Variants in FADS2 observed in about 807,000 individuals in gnomAD.
FADS2 encodes acyl-CoA 6-desaturase.
Under a neutral mutation model 61.2 loss-of-function variants are expected in FADS2, and 18 were observed. That is an observed-to-expected ratio of 0.29 (90% CI 0.20 to 0.44). The LOEUF is 0.44. Ranked by LOEUF, FADS2 falls within the 20% of genes least tolerant of loss-of-function variation. FADS2 has a pLI of 1.00. For missense variants in FADS2, 322 were observed against 572.7 expected, an observed-to-expected ratio of 0.56 and a Z score of 4.47; for synonymous variants, 203 against 223.9, an observed-to-expected ratio of 0.91 and a Z score of 0.83.
chr11:61,841,982 G>A (rs1158545077), intron 4 of FADS2, among the ~76,000 whole-genome samples: 2 of 152,180 alleles, frequency 1.3e-5, no homozygotes, highest in South Asian at 2.1e-4. Context: ...TCTGACAGGC[G>A]TTATCTCCTC....
chr11:61,818,806 A>G (rs1227324359), intron 1 of FADS2, among the ~76,000 whole-genome samples: 1 of 152,204 alleles, frequency 6.6e-6, no homozygotes, highest in Non-Finnish European at 1.5e-5. Flanking sequence ...AAGCTCTCAT[A>G]CTGCTGGTAG....
intron 2 of FADS2, among the ~76,000 whole-genome samples, chr11:61,838,803 C>T (rs114236442): frequency 0.027 from 4,101 of 152,214 alleles, 171 homozygotes; most frequent in African/African-American, 0.092. Flanking sequence ...CTGCCTCCTT[C>T]GCAAGTGGGT....
chr11:61,865,350 G>T lies in FADS2; in HGVS notation c.1283+73G>T. 1 of 1,548,084 alleles carries T rather than the reference G, an allele frequency of 6.5e-7. No homozygotes were observed. Among genetic ancestry groups the T allele is most frequent in the South Asian group, 1.2e-5 (1 of 85,258 alleles). On this transcript the variant is annotated intron_variant, in intron 11 of 11. Coordinates refer to ENST00000278840, the MANE Select transcript of FADS2 (RefSeq NM_004265.4). This position sits in a 1 kb window ranked among gnomAD's most constrained non-coding sequence, Gnocchi z 4.1. ...TGCAGACAGTGGGATCACAAGAGGG[G>T]CTGGGCCCTCCTGGCACAGTCACCC... is the stretch of plus-strand genomic sequence containing the variant.
Position 61,828,487 on chromosome 11 carries a change from A to G in FADS2, c.97A>G (p.Thr33Ala). 1 of 1,612,798 alleles carries G rather than the reference A, an allele frequency of 6.2e-7. No homozygotes were observed. Among genetic ancestry groups the G allele is most frequent in the African/African-American group, 1.3e-5 (1 of 75,054 alleles). ...WEEIQKHNLRTDRWLVIDRKV... is the reference protein window; with the variant it reads ...WEEIQKHNLRADRWLVIDRKV... The stretch of plus-strand genomic sequence containing the variant: ...GGAGATTCAGAAGCATAACCTGCGC[A>G]CCGACAGGTGGCTGGTCATTGACCG... Residue 33 changes from threonine to alanine, a missense_variant, in exon 1 of 12, where the codon ACC becomes GCC. Physicochemically the swap from Thr to Ala is moderately conservative, Grantham distance 58 (BLOSUM62 0). This residue lies in a region of FADS2 where 61 missense variants were observed against 107.4 expected (regional missense o/e 0.57). Coordinates refer to ENST00000278840, the MANE Select transcript of FADS2 (RefSeq NM_004265.4). The surrounding 1 kb of genome is among the most constrained non-coding windows in gnomAD (Gnocchi z 6.4).
At chr11:61,859,457 C>T (rs1444822095) in intron 7 of FADS2, among the ~76,000 whole-genome samples, 10 of 152,210 alleles carry the variant, frequency 6.6e-5, no homozygotes, top group Non-Finnish European at 1.3e-4. Context: ...AAGTCTTGGA[C>T]CCATATATCC....
chr11:61,828,044 C>T (rs1316474375), upstream of FADS2: 2 of 1,166,604 alleles, frequency 1.7e-6, no homozygotes, highest in African/African-American at 1.6e-5. The surrounding 1 kb of genome is among the most constrained non-coding windows in gnomAD (Gnocchi z 6.4). Flanking sequence ...GAACCCGAGG[C>T]GGGGGGAGCC....
chr11:61,857,642 A>AG, intron 7 of FADS2, 112 bp downstream of exon 7: 2 of 843,184 alleles, frequency 2.4e-6, no homozygotes, highest in Middle Eastern at 5.0e-4. Flanking sequence ...GTGGGGCCCC[A>AG]GGCATCTCCT....
intron 1 of FADS2, chr11:61,817,186 GTGGCCGCAGGAA>G: frequency 6.3e-6 from 2 of 315,708 alleles, no homozygotes; most frequent in Non-Finnish European, 1.1e-5. Flanking sequence ...GGGCTGCGGG[GTGGCCGCAGGAA>G]GGGTGGGCGG....
At chr11:61,827,673 G>A (rs1221029976), upstream of FADS2, 1 of 152,174 alleles carries the variant, frequency 6.6e-6, no homozygotes, top group Non-Finnish European at 1.5e-5. This position sits in a 1 kb window ranked among gnomAD's most constrained non-coding sequence, Gnocchi z 4.5. Context: ...CTGGCACCCT[G>A]GTGGCCGCGC....
intron 4 of FADS2, among the ~76,000 whole-genome samples, chr11:61,842,344 G>A (rs1002502924): frequency 6.6e-6 from 1 of 152,232 alleles, no homozygotes; most frequent in Non-Finnish European, 1.5e-5. Context: ...ATAGTGGAGT[G>A]CTTTGTTTCA....
At chr11:61,817,818 A>G (rs1033374102) in intron 1 of FADS2, among the ~76,000 whole-genome samples, 6 of 152,226 alleles carry the variant, frequency 3.9e-5, no homozygotes, top group African/African-American at 1.4e-4. Context: ...CCAAAATTTT[A>G]TTTATTCAAC....
In FADS2 at chr11:61,857,995, C is replaced by T. The variant is rs142829874; in HGVS notation, c.882+465C>T. Among the ~76,000 whole-genome samples the T allele has an allele frequency of 1.7e-3, 261 of 152,280 alleles. 1 individual carries two copies. Among genetic ancestry groups the T allele is most frequent in the African/African-American group, 5.7e-3 (235 of 41,562 alleles). On this transcript the variant is annotated intron_variant, in intron 7 of 11. Transcript: ENST00000278840. ...GGCATAAGCAGCAGCGATGTGTTTTCTCCCGGTTCTGGAGACCGGAAGTCC... is the reference window on the plus strand; with the variant it reads ...GGCATAAGCAGCAGCGATGTGTTTTTTCCCGGTTCTGGAGACCGGAAGTCC...
upstream of FADS2, chr11:61,826,369 C>T (rs972299655): frequency 4.3e-6 from 3 of 702,484 alleles, no homozygotes; most frequent in Non-Finnish European, 7.8e-6. Flanking sequence ...CTACACAGGC[C>T]ACCCATACGT....
At chr11:61,860,957 T>C (rs2067408702) in intron 7 of FADS2, among the ~76,000 whole-genome samples, 1 of 151,746 alleles carries the variant, frequency 6.6e-6, no homozygotes. Context: ...GTAATCCTAG[T>C]ACTTTGGGAG....
upstream of FADS2, chr11:61,827,310 G>C (rs971525033): frequency 6.6e-6 from 1 of 152,322 alleles, no homozygotes. This position sits in a 1 kb window ranked among gnomAD's most constrained non-coding sequence, Gnocchi z 4.5. Context: ...TTCCCAAAGA[G>C]ACTGAGCTTA....
Position 61,863,378 on chromosome 11 carries a change from G to A in FADS2, c.1077G>A (p.Gln359=), listed in dbSNP as rs1462419701. Residue 359 remains glutamine (Q), a splice_region_variant and synonymous_variant, in exon 9 of 12, where the codon CAG becomes CAA. Coordinates refer to ENST00000278840, the MANE Select transcript of FADS2 (RefSeq NM_004265.4). ...QEAYRDWFSS[Q]LTATCNVEQS... Reference sequence around the variant, plus strand: ...CCTACCGTGACTGGTTCAGTAGCCAGGTAGGGAAGTCAGGGCCGGTCACCA... The same window carrying A: ...CCTACCGTGACTGGTTCAGTAGCCAAGTAGGGAAGTCAGGGCCGGTCACCA... The A allele has an allele frequency of 6.2e-7, 1 of 1,609,812 alleles. No homozygotes were observed. The highest frequency in any genetic ancestry group is 1.3e-5 in the African/African-American group (1 of 74,858).
chr11:61,850,643 C>T (rs966690748), intron 5 of FADS2, among the ~76,000 whole-genome samples: 4 of 151,892 alleles, frequency 2.6e-5, no homozygotes, highest in South Asian at 2.1e-4. Context: ...GCCTCTATGT[C>T]GGGACCTAAT....
chr11:61,865,942 T>C lies in FADS2; in HGVS notation c.*253T>C. On this transcript the variant is annotated 3_prime_UTR_variant, in exon 12 of 12. Transcript: ENST00000278840. This position sits in a 1 kb window ranked among gnomAD's most constrained non-coding sequence, Gnocchi z 4.1. ...GGCCCTCCCAGTGCCTCCTAGCCCC[T>C]TCTTCCAAGGAGCAGAGAGGTGGCC... The C allele has an allele frequency of 5.6e-6, 3 of 539,066 alleles. No homozygotes were observed. Among genetic ancestry groups the C allele is most frequent in the Non-Finnish European group, 9.9e-6 (3 of 301,908 alleles). 33.4% of individuals were successfully genotyped at this position (539,066 alleles called of 1,614,324 possible).
chr11:61,822,397 G>C (rs1400460394), intron 1 of FADS2, among the ~76,000 whole-genome samples: 1 of 152,248 alleles, frequency 6.6e-6, no homozygotes, highest in Non-Finnish European at 1.5e-5. Context: ...TTTGGGGCTA[G>C]AATTTACCCC....
Sources: gnomAD v4.1 joint callset for allele counts (sites outside exome capture counted in the v4.1 genomes callset) on GRCh38, gnomAD v4.1.1 for gene constraint, gnomAD v4.1.1 regional missense constraint, Gnocchi (gnomAD v3.1) non-coding constraint, MANE v1.5 for transcripts, NCBI Gene and HGNC (gene_info 2026-07-23, HGNC 2026-07-21) for gene names.